The following AHRR variants were observed in gnomAD, a reference collection of about 807,000 sequenced individuals.
AHRR encodes the protein ahR repressor.
A neutral mutation model predicts 44.0 loss-of-function variants in AHRR; 28 were observed. That is an observed-to-expected ratio of 0.64 (90% CI 0.47 to 0.87). The LOEUF is 0.87. Among genes scored for constraint, AHRR ranks in the 40% least tolerant of loss-of-function variants. AHRR has a pLI of 0.00. For missense variants in AHRR, 990 were observed against 953.9 expected (o/e 1.04, Z -0.50); for synonymous variants, 434 against 407.0 (o/e 1.07, Z -0.80).
chr5:434,015 C>T lies in AHRR; in HGVS notation c.1275C>T (p.Ser425=). Residue 425 remains serine, a synonymous_variant, in exon 11 of 11, where the codon TCC becomes TCT. Transcript: ENST00000684583. ...RLQPSKNDPP[S]LRPMPRGSCL... ...AGCCCAGCAAGAATGACCCGCCCTCCCTGCGCCCCATGCCCCGCGGCTCCT... is the reference window on the plus strand; with the variant it reads ...AGCCCAGCAAGAATGACCCGCCCTCTCTGCGCCCCATGCCCCGCGGCTCCT... 6.3e-7 allele frequency: 1 copy of T among 1,588,718 alleles called. No homozygotes were observed. Among genetic ancestry groups the T allele is most frequent in the Non-Finnish European group, 8.6e-7 (1 of 1,168,868 alleles).
chr5:403,501 T>A (rs1735111464), intron 4 of AHRR, among the ~76,000 whole-genome samples: 1 of 152,036 alleles, frequency 6.6e-6, no homozygotes, highest in South Asian at 2.1e-4. Flanking sequence ...CTGGGTGTGG[T>A]GGCGCATGCC....
intron 2 of AHRR, among the ~76,000 whole-genome samples, chr5:351,348 A>G (rs544772241): frequency 1.6e-4 from 24 of 152,368 alleles, no homozygotes; most frequent in African/African-American, 5.3e-4. Context: ...AGAGGAGACA[A>G]CGCAAACGTC....
intron 5 of AHRR, among the ~76,000 whole-genome samples, chr5:415,840 T>C (rs982082201): frequency 6.6e-5 from 10 of 152,184 alleles, no homozygotes; most frequent in African/African-American, 2.2e-4. Flanking sequence ...CTGCACAGTT[T>C]TATCCAATTT....
intron 5 of AHRR, among the ~76,000 whole-genome samples, chr5:415,393 G>GTGCAGAGCAGCAGGCAGTGGA: frequency 7.2e-6 from 1 of 139,224 alleles, no homozygotes; most frequent in Non-Finnish European, 1.6e-5. Context: ...CCTAGGGGCC[G>GTGCAGAGCAGCAGGCAGTGGA]AGTCTGCCTG....
intron 1 of AHRR, among the ~76,000 whole-genome samples, chr5:325,571 G>A (rs1220900660): frequency 6.6e-6 from 1 of 152,156 alleles, no homozygotes; most frequent in East Asian, 1.9e-4. Context: ...TGGAGACGAG[G>A]CTGGGCATCC....
At chr5:343,849 G>T (rs775885027) in intron 1 of AHRR, 44 bp from the exon 2 acceptor site, 3 of 1,561,246 alleles carry the variant, frequency 1.9e-6, no homozygotes, top group Non-Finnish European at 2.6e-6. Context: ...GGAACAGGGC[G>T]CACGTGGCGC....
chr5:425,350 G>A (rs938969554), intron 7 of AHRR, among the ~76,000 whole-genome samples: 8 of 152,092 alleles, frequency 5.3e-5, no homozygotes, highest in African/African-American at 9.7e-5. Flanking sequence ...ATGGAGTCTC[G>A]CTCTGTCACC....
intron 3 of AHRR, among the ~76,000 whole-genome samples, chr5:361,925 G>T (rs763887576): frequency 5.3e-5 from 8 of 152,222 alleles, no homozygotes; most frequent in Non-Finnish European, 1.0e-4. Context: ...GTTTGGGGCT[G>T]TTGGGATGGA....
At chr5:332,681 T>C (rs1285908245) in intron 1 of AHRR, among the ~76,000 whole-genome samples, 1 of 152,200 alleles carries the variant, frequency 6.6e-6, no homozygotes, top group East Asian at 1.9e-4. Flanking sequence ...TAAATGTATG[T>C]GGAGGCCTAA....
chr5:362,707 A>G (rs563525495), intron 3 of AHRR, among the ~76,000 whole-genome samples: 1 of 152,368 alleles, frequency 6.6e-6, no homozygotes, highest in Admixed American at 6.5e-5. Context: ...TTGTATGGCA[A>G]GATCACTCTT....
intron 5 of AHRR, among the ~76,000 whole-genome samples, chr5:416,280 G>A (rs139976015): frequency 1.8e-3 from 269 of 152,372 alleles, no homozygotes; most frequent in African/African-American, 6.1e-3. Flanking sequence ...TCCCAGCAGC[G>A]ACCTTGATGG....
intron 3 of AHRR, 137 bp from the exon 4 acceptor site, chr5:376,473 G>T: frequency 1.0e-4 from 2 of 19,146 alleles, no homozygotes; most frequent in Non-Finnish European, 4.9e-4. Flanking sequence ...GGCCTGCAGA[G>T]GGGTCAGTGC....
chr5:422,575 G>A (rs1028393630), intron 5 of AHRR, 154 bp from the exon 6 acceptor site: 16 of 1,013,132 alleles, frequency 1.6e-5, no homozygotes, highest in African/African-American at 4.7e-5. Flanking sequence ...GTGGGGAACC[G>A]GGGCCAAGCG....
intron 3 of AHRR, among the ~76,000 whole-genome samples, chr5:365,890 C>T (rs1743344462): frequency 6.6e-6 from 1 of 152,028 alleles, no homozygotes; most frequent in African/African-American, 2.4e-5. Context: ...AAAATCTAGG[C>T]TCAGATAGCT....
intron 4 of AHRR, among the ~76,000 whole-genome samples, chr5:402,556 G>T (rs1006489259): frequency 6.6e-6 from 1 of 152,170 alleles, no homozygotes; most frequent in Non-Finnish European, 1.5e-5. Flanking sequence ...GGACCCTCGT[G>T]CACTGTTGGC....
chr5:326,922 G>C lies in AHRR; in HGVS notation c.-11+5103G>C, dbSNP rs1482126161. Among the ~76,000 whole-genome samples the C allele has an allele frequency of 6.6e-6, 1 of 152,110 alleles. No homozygotes were observed. The highest frequency in any genetic ancestry group is 2.4e-5 in the African/African-American group (1 of 41,410). Reference sequence around the variant, plus strand: ...AAAAATACAAAAATTAGCCAGGCGTGGTGGCACGCGCCTGTAGTCCCAGCT... The same window carrying C: ...AAAAATACAAAAATTAGCCAGGCGTCGTGGCACGCGCCTGTAGTCCCAGCT... On this transcript the variant is annotated intron_variant, in intron 1 of 10. Transcript: ENST00000684583. This position sits in a 1 kb window ranked among gnomAD's most constrained non-coding sequence, Gnocchi z 4.1.
intron 1 of AHRR, among the ~76,000 whole-genome samples, chr5:341,649 G>T (rs1293501972): frequency 6.6e-6 from 1 of 151,292 alleles, no homozygotes; most frequent in Non-Finnish European, 1.5e-5. Context: ...AGTCTCCAGA[G>T]TAGCTGGGAT....
In AHRR at chr5:434,323, TGC is replaced by T; in HGVS notation, c.1584_1585del (p.Leu529ArgfsTer13). 1 of 1,612,066 alleles carries T rather than the reference TGC, an allele frequency of 6.2e-7. No homozygotes were observed. The highest frequency in any genetic ancestry group is 1.7e-5 in the Admixed American group (1 of 59,852). On this transcript the variant is annotated frameshift_variant, in exon 11 of 11. Coordinates refer to ENST00000684583, the MANE Select transcript of AHRR (RefSeq NM_001377236.1). Reference sequence around the variant, plus strand: ...GGGGACCTGTGTGGTCCGACGCTGCTGCTAGATGTGTCCATCAAGATGGAGAA... The same window carrying T: ...GGGGACCTGTGTGGTCCGACGCTGCTTAGATGTGTCCATCAAGATGGAGAA...
rs369296109 is a variant in AHRR at position 345,273 on chromosome 5, GGT to G, written c.62+1318_62+1319del. Among the ~76,000 whole-genome samples, 15 of 16,696 alleles carry G rather than the reference GGT, an allele frequency of 9.0e-4. 1 individual carries two copies. In the East Asian group the frequency reaches 0.017, roughly 19 times the overall value. The allele number at this position is 16,696 out of a possible 152,430, so 11.0% of individuals were successfully genotyped here. On this transcript the variant is annotated intron_variant, in intron 2 of 10. Transcript: ENST00000684583. ...GTGTGTGTGGGGAGAGGGGTGGGTG[GGT>G]GTGTGTGTCGGATGATGTCCCTGGC...
Sources: gnomAD v4.1 joint callset for allele counts (sites outside exome capture counted in the v4.1 genomes callset) on GRCh38, gnomAD v4.1.1 for gene constraint, Gnocchi (gnomAD v3.1) non-coding constraint, MANE v1.5 for transcripts, NCBI Gene and HGNC (gene_info 2026-07-23, HGNC 2026-07-21) for gene names.